The following CDH8 variants were observed in gnomAD, a reference collection of about 807,000 sequenced individuals.
CDH8 encodes cadherin 8.
Under a neutral mutation model 68.1 loss-of-function variants are expected in CDH8, and 17 were observed. That is an observed-to-expected ratio of 0.25 (90% confidence interval 0.17 to 0.37). CDH8 has a LOEUF of 0.37. CDH8 is among the 10% of genes least tolerant of loss of function. CDH8 has a pLI of 1.00. For synonymous variants in CDH8, 372 were observed against 365.1 expected (o/e 1.02, Z -0.21); for missense variants, 763 against 999.3 (o/e 0.76, Z 3.19).
chr16:61,970,729 C>A (rs1341932546), intron 2 of CDH8, among the ~76,000 whole-genome samples: 2 of 152,154 alleles, frequency 1.3e-5, no homozygotes. Context: ...ACACCGTCTC[C>A]CTGGAGATAG....
intron 3 of CDH8, among the ~76,000 whole-genome samples, chr16:61,874,539 G>A (rs1963427603): frequency 6.6e-6 from 1 of 151,968 alleles, no homozygotes; most frequent in Non-Finnish European, 1.5e-5. Flanking sequence ...CACCATGTTA[G>A]TCAGGATGGT....
At chr16:61,964,621 C>T (rs1161479850) in intron 2 of CDH8, among the ~76,000 whole-genome samples, 1 of 151,930 alleles carries the variant, frequency 6.6e-6, no homozygotes, top group African/African-American at 2.4e-5. Flanking sequence ...CCTAGCTCAA[C>T]TCTTGAGTGG....
At chr16:61,871,233 T>A (rs1389381888) in intron 3 of CDH8, among the ~76,000 whole-genome samples, 2 of 151,982 alleles carry the variant, frequency 1.3e-5, no homozygotes, top group African/African-American at 2.4e-5. Flanking sequence ...CCAAACTGAG[T>A]GCCGTGGTAC....
intron 3 of CDH8, among the ~76,000 whole-genome samples, chr16:61,861,513 G>A (rs2143017900): frequency 6.6e-6 from 1 of 152,204 alleles, no homozygotes; most frequent in East Asian, 1.9e-4. Context: ...CTGGAGTAAG[G>A]GGTTGGGTTT....
chr16:61,817,758 G>A (rs764343141), intron 6 of CDH8, 26 bp from the exon 7 acceptor site: 4 of 1,534,484 alleles, frequency 2.6e-6, no homozygotes, highest in Middle Eastern at 3.5e-4. Flanking sequence ...AAAGATAAAT[G>A]CTTCTCACTA....
intron 2 of CDH8, among the ~76,000 whole-genome samples, chr16:61,915,607 T>C (rs150856141): frequency 1.3e-5 from 2 of 152,028 alleles, no homozygotes; most frequent in Non-Finnish European, 1.5e-5. Flanking sequence ...CAAAACTAGG[T>C]GTTTAGTGTT....
At chr16:61,729,959 T>C (rs1039917357) in intron 8 of CDH8, among the ~76,000 whole-genome samples, 1 of 151,348 alleles carries the variant, frequency 6.6e-6, no homozygotes, top group Non-Finnish European at 1.5e-5. Flanking sequence ...TTATTCTTTG[T>C]TTTCCTTATC....
In CDH8 at chr16:61,736,143, GGAAGGAAGGAAGGAAA is replaced by G. The variant is rs1416484508; in HGVS notation, c.1415-8944_1415-8929del. On this transcript the variant is annotated intron_variant, in intron 8 of 11. Transcript: ENST00000577390. ...AGGAAGGAAGGAAGGAAGGAAGGAA[GGAAGGAAGGAAGGAAA>G]GAAGGAAGGAAAGAAAGAAAGGTGG... Among the ~76,000 whole-genome samples the G allele has an allele frequency of 5.2e-3, 783 of 149,774 alleles. 8 individuals carry two copies. The highest frequency in any genetic ancestry group is 0.019 in the African/African-American group (748 of 40,140).
At chr16:61,963,961 GC>G (rs1319538002) in intron 2 of CDH8, among the ~76,000 whole-genome samples, 1 of 152,114 alleles carries the variant, frequency 6.6e-6, no homozygotes, top group African/African-American at 2.4e-5. Flanking sequence ...AGTCCTTCAA[GC>G]CTCACCTGTT....
chr16:61,890,454 T>TG (rs1963755239), intron 3 of CDH8, among the ~76,000 whole-genome samples: 1 of 152,184 alleles, frequency 6.6e-6, no homozygotes, highest in African/African-American at 2.4e-5. Context: ...GAGCCAATTC[T>TG]TTAATCTTAA....
At chr16:61,752,763 G>C (rs997846410) in intron 8 of CDH8, among the ~76,000 whole-genome samples, 1 of 152,196 alleles carries the variant, frequency 6.6e-6, no homozygotes, top group Non-Finnish European at 1.5e-5. Flanking sequence ...AAGTGATACA[G>C]TGCATGCTAC....
chr16:61,809,586 A>G (rs1158487081), intron 7 of CDH8, among the ~76,000 whole-genome samples: 2 of 152,180 alleles, frequency 1.3e-5, no homozygotes, highest in African/African-American at 4.8e-5. Flanking sequence ...GTATCCCAGA[A>G]CTTAAAGCAA....
intron 2 of CDH8, among the ~76,000 whole-genome samples, chr16:61,980,067 C>T (rs564519462): frequency 1.3e-5 from 2 of 152,250 alleles, no homozygotes; most frequent in Admixed American, 1.3e-4. Context: ...GAAGGTACCA[C>T]GGCAACCTTC....
At chr16:61,656,475 A>G (rs1044416578) in intron 10 of CDH8, among the ~76,000 whole-genome samples, 5 of 152,296 alleles carry the variant, frequency 3.3e-5, no homozygotes, top group South Asian at 2.1e-4. Context: ...GTATGACAAC[A>G]CAGTTGCAAA....
chr16:61,930,599 T>C (rs2143474212), intron 2 of CDH8, among the ~76,000 whole-genome samples: 1 of 152,340 alleles, frequency 6.6e-6, no homozygotes, highest in South Asian at 2.1e-4. Flanking sequence ...TCTGAATTCA[T>C]CATTCACAAA....
intron 7 of CDH8, among the ~76,000 whole-genome samples, chr16:61,801,844 A>G (rs1171228872): frequency 2.0e-5 from 3 of 152,136 alleles, no homozygotes; most frequent in Non-Finnish European, 4.4e-5. Flanking sequence ...GATTTCTAGC[A>G]CAGCAGTCTG....
intron 7 of CDH8, among the ~76,000 whole-genome samples, chr16:61,799,292 A>G (rs1255394338): frequency 6.6e-6 from 1 of 152,212 alleles, no homozygotes; most frequent in African/African-American, 2.4e-5. Context: ...AACAGAAGAG[A>G]CAACAGAATG....
At chr16:61,726,451 CTCCCAT>C (rs1481346420) in intron 9 of CDH8, 1 of 150,522 alleles carries the variant, frequency 6.6e-6, no homozygotes, top group East Asian at 2.0e-4. Context: ...CTTCCTCCCA[CTCCCAT>C]TCCCATTCCC....
intron 10 of CDH8, among the ~76,000 whole-genome samples, chr16:61,662,086 AG>A (rs1963571918): frequency 1.4e-5 from 1 of 70,728 alleles, no homozygotes; most frequent in South Asian, 3.9e-4. Context: ...GTTTTACTTT[AG>A]TTTTTTTTTT....
Sources: gnomAD v4.1 joint callset for allele counts (sites outside exome capture counted in the v4.1 genomes callset) on GRCh38, gnomAD v4.1.1 for gene constraint, MANE v1.5 for transcripts, NCBI Gene and HGNC (gene_info 2026-07-23, HGNC 2026-07-21) for gene names.